The following USH2A variants were observed in gnomAD, a reference collection of about 807,000 sequenced individuals.
The protein encoded by USH2A is Usher syndrome 2A (autosomal recessive, mild).
In USH2A, 443 loss-of-function variants were observed where a neutral mutation model predicts 538.9. That is an observed-to-expected ratio of 0.82 (90% CI 0.76 to 0.89). USH2A has a LOEUF of 0.89. Among genes scored for constraint, USH2A ranks in the 40% least tolerant of loss-of-function variants. USH2A has a pLI of 0.00. For missense variants in USH2A, 6,633 were observed against 6,324.8 expected, an observed-to-expected ratio of 1.05 and a Z score of -1.65; for synonymous variants, 2,413 against 2,273.5, an observed-to-expected ratio of 1.06 and a Z score of -1.75.
intron 3 of USH2A, among the ~76,000 whole-genome samples, chr1:216,386,112 A>G (rs1019762995): frequency 1.3e-5 from 2 of 152,238 alleles, no homozygotes; most frequent in African/African-American, 4.8e-5. Context: ...CACACAGTAC[A>G]GTCCTGTACA....
intron 49 of USH2A, among the ~76,000 whole-genome samples, chr1:215,807,153 G>A (rs925274824): frequency 5.3e-5 from 8 of 152,064 alleles, no homozygotes; most frequent in African/African-American, 1.9e-4. Context: ...AATGGAAGGG[G>A]TCCACAAGCC....
intron 51 of USH2A, among the ~76,000 whole-genome samples, chr1:215,788,332 G>A (rs1424618485): frequency 1.3e-5 from 2 of 152,072 alleles, no homozygotes; most frequent in African/African-American, 4.8e-5. Flanking sequence ...TGTGTGACTA[G>A]TGCATAGAAA....
At chr1:216,292,834 C>T (rs972696019) in intron 9 of USH2A, among the ~76,000 whole-genome samples, 3 of 152,112 alleles carry the variant, frequency 2.0e-5, no homozygotes, top group Non-Finnish European at 4.4e-5. Flanking sequence ...GTTAACAACT[C>T]TCCAATGCTG....
intron 61 of USH2A, among the ~76,000 whole-genome samples, chr1:215,683,842 T>C (rs1232142232): frequency 1.3e-5 from 2 of 152,164 alleles, no homozygotes; most frequent in Non-Finnish European, 2.9e-5. Flanking sequence ...CCTTTCACTC[T>C]TCCTAATGAT....
At chr1:216,187,429 C>T (rs376012570) in intron 20 of USH2A, among the ~76,000 whole-genome samples, 31 of 151,838 alleles carry the variant, frequency 2.0e-4, no homozygotes, top group East Asian at 7.7e-4. Flanking sequence ...TATATTGCAA[C>T]CAACAAATGT....
At chr1:215,834,605 G>T (rs1344353756) in intron 47 of USH2A, among the ~76,000 whole-genome samples, 1 of 152,090 alleles carries the variant, frequency 6.6e-6, no homozygotes, top group African/African-American at 2.4e-5. Flanking sequence ...TTGTGGTAGT[G>T]TCTGTTCTTC....
At chr1:215,921,246 TG>T (rs1211327195) in intron 38 of USH2A, among the ~76,000 whole-genome samples, 1 of 152,066 alleles carries the variant, frequency 6.6e-6, no homozygotes, top group Non-Finnish European at 1.5e-5. Flanking sequence ...AAATACTTGG[TG>T]GGCAAGTTAA....
intron 20 of USH2A, among the ~76,000 whole-genome samples, chr1:216,175,948 C>T (rs548994237): frequency 6.6e-6 from 1 of 152,174 alleles, no homozygotes; most frequent in South Asian, 2.1e-4. Context: ...CACAGGATCC[C>T]GCAGTGAAAC....
intron 11 of USH2A, among the ~76,000 whole-genome samples, chr1:216,272,967 T>C (rs2036604258): frequency 6.6e-6 from 1 of 152,128 alleles, no homozygotes; most frequent in Middle Eastern, 3.4e-3. Flanking sequence ...CTTGGGTCTC[T>C]CTAAATCCCA....
At chr1:216,095,385 A>G (rs1420591104) in intron 22 of USH2A, among the ~76,000 whole-genome samples, 1 of 152,184 alleles carries the variant, frequency 6.6e-6, no homozygotes, top group East Asian at 1.9e-4. Flanking sequence ...AAAAAATAAT[A>G]TCTTCCATTA....
intron 28 of USH2A, 62 bp downstream of exon 28, chr1:216,073,035 G>A (rs2031611986): frequency 1.2e-5 from 19 of 1,612,392 alleles, no homozygotes; most frequent in Non-Finnish European, 1.5e-5. Flanking sequence ...GGGGCTGGCA[G>A]GGAGGGAAAG....
At chr1:216,249,894 G>T (rs996290315) in intron 12 of USH2A, among the ~76,000 whole-genome samples, 1 of 152,022 alleles carries the variant, frequency 6.6e-6, no homozygotes, top group African/African-American at 2.4e-5. Context: ...GAGAGAGAGA[G>T]AGGAGTGTGT....
At chr1:215,973,193 G>A (rs528006927) in intron 35 of USH2A, among the ~76,000 whole-genome samples, 1 of 152,072 alleles carries the variant, frequency 6.6e-6, no homozygotes, top group Non-Finnish European at 1.5e-5. Flanking sequence ...TAAATCAATA[G>A]TTCCCTTTTC....
chr1:215,833,103 C>T (rs1311274436), intron 47 of USH2A, among the ~76,000 whole-genome samples: 4 of 151,874 alleles, frequency 2.6e-5, no homozygotes, highest in Non-Finnish European at 5.9e-5. Flanking sequence ...TGAATCAGAA[C>T]ATTTGATATT....
chr1:215,857,700 G>A (rs1171812552), intron 44 of USH2A, among the ~76,000 whole-genome samples: 2 of 152,186 alleles, frequency 1.3e-5, no homozygotes, highest in East Asian at 3.9e-4. Flanking sequence ...GTGAAGAAGA[G>A]GACATGAAGA....
chr1:215,640,141 G>A (rs974171570), intron 68 of USH2A, among the ~76,000 whole-genome samples: 5 of 152,176 alleles, frequency 3.3e-5, no homozygotes, highest in African/African-American at 9.7e-5. Flanking sequence ...AGGTCCTCAT[G>A]AGTTGGAGAT....
At position 215,648,517 on chromosome 1, in the gene USH2A, T is replaced by C. The variant is rs1571929240; in HGVS notation, c.14582+11A>G. On this transcript the variant is annotated intron_variant, in intron 66 of 71. Transcript: ENST00000307340. Reference sequence around the variant, plus strand: ...TTGTTAGTTTCTTCATCCTTCTGCCTGACCCATTACCTGTGAATGACACCA... The same window carrying C: ...TTGTTAGTTTCTTCATCCTTCTGCCCGACCCATTACCTGTGAATGACACCA... 6.2e-7 allele frequency: 1 copy of C among 1,613,244 alleles called. No homozygotes were observed. The highest frequency in any genetic ancestry group is 8.5e-7 in the Non-Finnish European group (1 of 1,179,176).
At chr1:215,702,625 A>G (rs1022952742) in intron 61 of USH2A, among the ~76,000 whole-genome samples, 6 of 151,658 alleles carry the variant, frequency 4.0e-5, no homozygotes, top group Non-Finnish European at 8.8e-5. Context: ...ATACTTGTGT[A>G]TGCTTCACAA....
In USH2A at chr1:215,804,194, T is replaced by C. The variant is rs1662422297; in HGVS notation, c.9740-5069A>G. ...ACCATAAAAACCCTAGAAGAAAACC[T>C]AGGCAATACCATTCAGGACATAGGC... On this transcript the variant is annotated intron_variant, in intron 49 of 71. Transcript: ENST00000307340. Among the ~76,000 whole-genome samples, 3 of 152,174 alleles carry C rather than the reference T, an allele frequency of 2.0e-5. 1 individual carries two copies. The South Asian group carries it at 6.2e-4, about 32-fold the overall frequency.
Sources: gnomAD v4.1 joint callset for allele counts (sites outside exome capture counted in the v4.1 genomes callset) on GRCh38, gnomAD v4.1.1 for gene constraint, MANE v1.5 for transcripts, NCBI Gene and HGNC (gene_info 2026-07-23, HGNC 2026-07-21) for gene names.